The following HLA-G variants were observed in gnomAD, a reference collection of about 807,000 sequenced individuals.
The protein encoded by HLA-G is HLA class I histocompatibility antigen, alpha chain G.
HLA-G carries 34 observed loss-of-function variants against 39.3 expected under a neutral mutation model. The ratio of observed to expected loss-of-function variants is 0.86; its 90% CI spans 0.66 to 1.15. The LOEUF (loss-of-function observed/expected upper bound fraction) is 1.15, where lower values mean the gene tolerates loss of function less well. Ranked by LOEUF, HLA-G falls within the 50% of genes most tolerant of loss-of-function variation. The pLI is 0.00. For synonymous variants in HLA-G, 183 were observed against 185.8 expected (o/e 0.99, Z 0.12); for missense variants, 419 against 456.4 (o/e 0.92, Z 0.75).
In HLA-G at chr6:29,827,931, C is replaced by T; in HGVS notation, c.73+14C>T. ...AGACCTGGGCGGGTGAGTGCGGGGT[C>T]AGGAGGGAAACAGCCCCTGCGCGGA... On this transcript the variant is annotated intron_variant, in intron 1 of 6. Coordinates refer to ENST00000360323, the MANE Select transcript of HLA-G (RefSeq NM_001384290.1). The T allele has an allele frequency of 6.2e-7, 1 of 1,607,284 alleles. No homozygotes were observed. The highest frequency in any genetic ancestry group is 8.5e-7 in the Non-Finnish European group (1 of 1,177,180).
chr6:29,830,642 G>A (rs915670), intron 6 of HLA-G, 126 bp from the exon 7 acceptor site: 192,720 of 698,732 alleles, frequency 0.28, 27,959 homozygotes, highest in Middle Eastern at 0.3. Flanking sequence ...TTGTTGAGGG[G>A]AACAGGGGAC....
intron 4 of HLA-G, 60 bp from the exon 5 acceptor site, chr6:29,829,756 T>A: frequency 5.0e-6 from 8 of 1,603,804 alleles, no homozygotes; most frequent in Non-Finnish European, 6.8e-6. Context: ...TGAAGACCTT[T>A]AACAGGGTCG....
chr6:29,828,030 C>G lies in HLA-G; in HGVS notation c.74-17C>G, dbSNP rs759759846. ...GGGAGGAGGGTCGGGCGGGTCTCAACCCCTCCTCGCCCCCAGGCTCCCACT... is the reference window on the plus strand; with the variant it reads ...GGGAGGAGGGTCGGGCGGGTCTCAAGCCCTCCTCGCCCCCAGGCTCCCACT... On this transcript the variant is annotated splice_polypyrimidine_tract_variant and intron_variant, in intron 1 of 6. Transcript: ENST00000360323. 9 of 1,607,982 alleles carry G rather than the reference C, an allele frequency of 5.6e-6. No individual in the cohort carries two copies. The African/African-American group carries it at 9.4e-5, about 17-fold the overall frequency.
Position 29,829,941 on chromosome 6 carries a change from G to A in HLA-G, c.1012+9G>A. ...GAGAAAGAAGAGCTCAGGTAAGGAA[G>A]GGGTGACAAGTGGGGTCTGAGTTTT... On this transcript the variant is annotated intron_variant, in intron 5 of 6. Transcript: ENST00000360323. 1.3e-6 allele frequency: 2 copies of A among 1,587,660 alleles called. 1 individual carries two copies. The highest frequency in any genetic ancestry group is 2.2e-5 in the South Asian group (2 of 89,966).
rs762242436 is a variant in HLA-G at position 29,827,883 on chromosome 6, C to T, written c.39C>T (p.Leu13=). 3 of 1,613,252 alleles carry T rather than the reference C, an allele frequency of 1.9e-6. No homozygotes were observed. In the Admixed American group the frequency reaches 5.0e-5, roughly 27 times the overall value. Residue 13 remains leucine (L), a synonymous_variant, in exon 1 of 7, where the codon CTC becomes CTT. Transcript: ENST00000360323. Reference sequence around the variant, plus strand: ...CGCCCCGAACCCTCTTCCTGCTGCTCTCGGGGGCCCTGACCCTGACCGAGA... The same window carrying T: ...CGCCCCGAACCCTCTTCCTGCTGCTTTCGGGGGCCCTGACCCTGACCGAGA... The part of the protein sequence containing the change: ...VMAPRTLFLL[L]SGALTLTETW...
At position 29,828,200 on chromosome 6, in the gene HLA-G, T is replaced by C. The variant is rs1176466537; in HGVS notation, c.227T>C (p.Val76Ala). The change falls in exon 2 of 7, where the codon GTG becomes GCG. Residue 76 changes from valine (V) to alanine (A), a missense_variant. Val to Ala is a moderately conservative substitution (Grantham distance 64). This residue lies in a region of HLA-G where 91 missense variants were observed against 133.4 expected (regional missense o/e 0.68). Transcript: ENST00000360323. ...CPRMEPRAPW[V>A]EQEGPEYWEE... is the part of the protein sequence containing the mutation. ...AGGATGGAGCCGCGGGCGCCGTGGG[T>C]GGAGCAGGAGGGGCCGGAGTATTGG... The C allele has an allele frequency of 3.7e-6, 6 of 1,613,044 alleles. No individual in the cohort carries two copies. The highest frequency in any genetic ancestry group is 5.1e-6 in the Non-Finnish European group (6 of 1,179,796).
At chr6:29,826,988 C>G (rs1480176023), upstream of HLA-G, 8 of 519,138 alleles carry the variant, frequency 1.5e-5, no homozygotes, top group South Asian at 8.8e-5. Context: ...TAGTGTGGTA[C>G]TTTGTCTTGA....
At chr6:29,828,418 G>A (rs1760895910) in intron 2 of HLA-G, 102 bp downstream of exon 2, 2 of 1,550,276 alleles carry the variant, frequency 1.3e-6, no homozygotes, top group Non-Finnish European at 8.7e-7. Context: ...CCACCCCGAG[G>A]CCGCGGGACC....
Position 29,828,342 on chromosome 6 carries a change from G to C in HLA-G, c.343+26G>C, listed in dbSNP as rs201510147. 10 of 1,561,606 alleles carry C rather than the reference G, an allele frequency of 6.4e-6. No individual in the cohort carries two copies. In the Admixed American group the frequency reaches 1.6e-4, roughly 25 times the overall value. ...GTGAGTAACTCCGGCCCAGGGAGCAGATCACGACCCCCACCTCCATGCCCC... is the reference window on the plus strand; with the variant it reads ...GTGAGTAACTCCGGCCCAGGGAGCACATCACGACCCCCACCTCCATGCCCC... On this transcript the variant is annotated intron_variant, in intron 2 of 6. Coordinates refer to ENST00000360323, the MANE Select transcript of HLA-G (RefSeq NM_001384290.1).
rs562739922 is a variant in HLA-G at position 29,827,890 on chromosome 6, G to T, written c.46G>T (p.Ala16Ser). The T allele has an allele frequency of 3.8e-5, 62 of 1,613,014 alleles. No homozygotes were observed. In the East Asian group the frequency reaches 1.2e-3, roughly 31 times the overall value. Residue 16 changes from alanine (A) to serine (S), a missense_variant, in exon 1 of 7, where the codon GCC becomes TCC. Physicochemically the swap from Ala to Ser is moderately conservative, Grantham distance 99. Around this residue, in one of 2 missense-constraint regions of HLA-G, gnomAD observed 91 missense variants for 133.4 expected, o/e 0.68. Coordinates refer to ENST00000360323, the MANE Select transcript of HLA-G (RefSeq NM_001384290.1). ...PRTLFLLLSGALTLTETWAGS... is the reference protein window; with the variant it reads ...PRTLFLLLSGSLTLTETWAGS... ...AACCCTCTTCCTGCTGCTCTCGGGG[G>T]CCCTGACCCTGACCGAGACCTGGGC...
chr6:29,827,318 T>A, upstream of HLA-G: 1 of 358,000 alleles, frequency 2.8e-6, no homozygotes, highest in Non-Finnish European at 5.5e-6. Context: ...AAAAACCCTG[T>A]CTTTACACCT....
upstream of HLA-G, chr6:29,827,120 G>T (rs1233334): frequency 0.047 from 22,210 of 477,354 alleles, 804 homozygotes; most frequent in African/African-American, 0.1. Flanking sequence ...TTTGTGAGTC[G>T]TGTTGTAATG....
Position 29,828,524 on chromosome 6 carries a change from A to G in HLA-G, c.344-19A>G. ...GGGCGAGGCTCGGTGGGCGGGGCTGACCGAGGGGGTGGGGCCAGGTTCTCA... is the reference window on the plus strand; with the variant it reads ...GGGCGAGGCTCGGTGGGCGGGGCTGGCCGAGGGGGTGGGGCCAGGTTCTCA... On this transcript the variant is annotated intron_variant, in intron 2 of 6. Transcript: ENST00000360323. 1.2e-6 allele frequency: 2 copies of G among 1,608,498 alleles called. No homozygotes were observed. Among genetic ancestry groups the G allele is most frequent in the South Asian group, 1.1e-5 (1 of 90,792 alleles).
At chr6:29,829,726 A>C in intron 4 of HLA-G, 33 bp downstream of exon 4, 1 of 1,608,832 alleles carries the variant, frequency 6.2e-7, no homozygotes, top group Non-Finnish European at 8.5e-7. Flanking sequence ...CATGTCTGTT[A>C]GGGAAAGCAG....
intron 2 of HLA-G, 99 bp downstream of exon 2, chr6:29,828,415 G>T (rs893755360): frequency 6.5e-6 from 10 of 1,549,470 alleles, no homozygotes; most frequent in Non-Finnish European, 7.8e-6. Flanking sequence ...GATCCACCCC[G>T]AGGCCGCGGG....
At position 29,828,827 on chromosome 6, in the gene HLA-G, G is replaced by T; in HGVS notation, c.619+9G>T. 1.2e-6 allele frequency: 2 copies of T among 1,613,986 alleles called. No homozygotes were observed. The highest frequency in any genetic ancestry group is 1.7e-6 in the Non-Finnish European group (2 of 1,179,984). On this transcript the variant is annotated intron_variant, in intron 3 of 6. Coordinates refer to ENST00000360323, the MANE Select transcript of HLA-G (RefSeq NM_001384290.1). The stretch of plus-strand genomic sequence containing the variant: ...GATGCTGCAGCGCGCGGGTACCAGG[G>T]GCAGTGGGGCGCCTCCCTGATCTCC...
In HLA-G at chr6:29,828,829, C is replaced by T. The variant is rs763912920; in HGVS notation, c.619+11C>T. ...TGCTGCAGCGCGCGGGTACCAGGGG[C>T]AGTGGGGCGCCTCCCTGATCTCCTG... On this transcript the variant is annotated intron_variant, in intron 3 of 6. Transcript: ENST00000360323. The T allele has an allele frequency of 1.2e-6, 2 of 1,613,992 alleles. No individual in the cohort carries two copies. Among genetic ancestry groups the T allele is most frequent in the Admixed American group, 1.7e-5 (1 of 60,030 alleles).
chr6:29,826,871 C>A, upstream of HLA-G: 1 of 392,820 alleles, frequency 2.5e-6, no homozygotes, highest in South Asian at 2.0e-5. Flanking sequence ...TTCCTAAAAA[C>A]AGGCAGTGCG....
intron 5 of HLA-G, 145 bp downstream of exon 5, chr6:29,830,077 C>T: frequency 1.4e-6 from 1 of 705,728 alleles, no homozygotes; most frequent in Middle Eastern, 2.6e-4. Context: ...TGTGCCAGCA[C>T]CTTCTCTTTT....
Sources: gnomAD v4.1 joint callset for allele counts on GRCh38, gnomAD v4.1.1 for gene constraint, gnomAD v4.1.1 regional missense constraint, MANE v1.5 for transcripts, NCBI Gene and HGNC (gene_info 2026-07-23, HGNC 2026-07-21) for gene names.